GOLGB1: variants seen among roughly 807,000 people sequenced by gnomAD.
GOLGB1 encodes the protein golgin subfamily B member 1.
GOLGB1 carries 174 observed loss-of-function variants against 336.9 expected under a neutral mutation model. The observed-to-expected ratio is 0.52, with a 90% confidence interval of 0.46 to 0.59. The LOEUF is 0.59. Among genes scored for constraint, GOLGB1 ranks in the 20% least tolerant of loss-of-function variants. The pLI is 0.00. For synonymous variants in GOLGB1, 1,208 were observed against 1,289.2 expected (o/e 0.94, Z 1.35); for missense variants, 3,331 against 3,645.3 (o/e 0.91, Z 2.22).
chr3:121,669,489 GTGC>G, intron 17 of GOLGB1, 134 bp from the exon 18 acceptor site: 1 of 615,862 alleles, frequency 1.6e-6, no homozygotes, highest in South Asian at 2.5e-5. Context: ...AGCACTTTGT[GTGC>G]CTTCAAAGTT....
intron 18 of GOLGB1, 30 bp downstream of exon 18, chr3:121,669,182 C>G (rs1401958912): frequency 6.2e-7 from 1 of 1,609,806 alleles, no homozygotes; most frequent in Non-Finnish European, 8.5e-7. Context: ...CATCACACTT[C>G]TCCCAGTCTC....
chr3:121,698,571 C>T lies in GOLGB1; in HGVS notation c.1952G>A (p.Ser651Asn). Residue 651 changes from serine (S) to asparagine (N), a missense_variant, in exon 13 of 22, where the codon AGT (serine) becomes AAT (asparagine). Coordinates refer to ENST00000614479, the MANE Select transcript of GOLGB1 (RefSeq NM_001366282.2). ...TAAAGATATTTCCTCAGATGTTCTA[C>T]TTTGATGTTCAGTGCTCGCCTGTTC... is the stretch of plus-strand genomic sequence containing the variant. ...EKEQASTEHQ[S>N]RTSEEISLND... 1 of 1,613,912 alleles carries T rather than the reference C, an allele frequency of 6.2e-7. No individual in the cohort carries two copies. The highest frequency in any genetic ancestry group is 8.5e-7 in the Non-Finnish European group (1 of 1,179,890).
chr3:121,670,430 T>C (rs1939339084), intron 17 of GOLGB1, among the ~76,000 whole-genome samples: 2 of 152,204 alleles, frequency 1.3e-5, no homozygotes, highest in Non-Finnish European at 1.5e-5. Flanking sequence ...GGGCATTTGA[T>C]GCAAATAGAA....
intron 5 of GOLGB1, among the ~76,000 whole-genome samples, chr3:121,726,049 A>G (rs1039147480): frequency 1.3e-5 from 2 of 151,920 alleles, no homozygotes; most frequent in Non-Finnish European, 2.9e-5. Context: ...GCAGAATGAT[A>G]TGATTATAGG....
At chr3:121,723,292 G>A (rs1345660965) in intron 5 of GOLGB1, among the ~76,000 whole-genome samples, 1 of 152,146 alleles carries the variant, frequency 6.6e-6, no homozygotes, top group Non-Finnish European at 1.5e-5. Flanking sequence ...GTAAGTTACT[G>A]TTGAGGTGCT....
Position 121,697,669 on chromosome 3 carries a change from C to G in GOLGB1, c.2854G>C (p.Glu952Gln). The part of the protein sequence containing the change: ...LLSRAEEAKK[E>Q]QVEEDNEVSS... ...ACTTCATTATCTTCTTCCACCTGCT[C>G]TTTTTTTGCTTCCTCAGCTCTGGAT... Residue 952 changes from glutamate (E) to glutamine (Q), a missense_variant, in exon 13 of 22, where the codon GAG becomes CAG. Glu to Gln is a conservative substitution (Grantham distance 29). Coordinates refer to ENST00000614479, the MANE Select transcript of GOLGB1 (RefSeq NM_001366282.2). 1 of 1,612,498 alleles carries G rather than the reference C, an allele frequency of 6.2e-7. No individual in the cohort carries two copies. The highest frequency in any genetic ancestry group is 8.5e-7 in the Non-Finnish European group (1 of 1,179,686).
intron 10 of GOLGB1, among the ~76,000 whole-genome samples, chr3:121,706,090 A>G (rs940757336): frequency 6.6e-6 from 1 of 151,912 alleles, no homozygotes; most frequent in Admixed American, 6.6e-5. Flanking sequence ...GTGAGCTGAG[A>G]CTGCATCAAT....
chr3:121,706,537 C>A (rs1943840845), intron 10 of GOLGB1, among the ~76,000 whole-genome samples: 1 of 151,622 alleles, frequency 6.6e-6, no homozygotes, highest in Non-Finnish European at 1.5e-5. Flanking sequence ...GAGTTCGAGA[C>A]TAGCCTGGCC....
intron 1 of GOLGB1, among the ~76,000 whole-genome samples, chr3:121,733,525 A>G (rs1946267876): frequency 6.6e-6 from 1 of 152,194 alleles, no homozygotes; most frequent in African/African-American, 2.4e-5. Flanking sequence ...TTTGAACTCT[A>G]TAATGTTAAA....
At chr3:121,722,139 G>A in intron 6 of GOLGB1, 123 bp downstream of exon 6, 2 of 634,864 alleles carry the variant, frequency 3.2e-6, no homozygotes, top group Non-Finnish European at 5.8e-6. Flanking sequence ...AATTTCTAGT[G>A]CAACACCCAT....
At position 121,692,377 on chromosome 3, in the gene GOLGB1, T is replaced by G. The variant is rs903388481; in HGVS notation, c.6987A>C (p.Leu2329Phe). Residue 2329 changes from leucine to phenylalanine, a missense_variant, in exon 14 of 22, where the codon TTA (leucine) becomes TTC (phenylalanine). By Grantham distance (22) the Leu-to-Phe change is conservative. Coordinates refer to ENST00000614479, the MANE Select transcript of GOLGB1 (RefSeq NM_001366282.2). ...LKSLKDQLTD[L>F]SNSLEKCKEQ... ...CCTTACATTTTTCTAAAGAGTTACT[T>G]AAATCAGTCAACTGGTCTTTGAGAC... The G allele has an allele frequency of 5.0e-6, 8 of 1,609,738 alleles. No individual in the cohort carries two copies. The highest frequency in any genetic ancestry group is 1.7e-5 in the Admixed American group (1 of 58,894).
chr3:121,744,601 A>G (rs1238606941), intron 1 of GOLGB1, among the ~76,000 whole-genome samples: 8 of 150,746 alleles, frequency 5.3e-5, no homozygotes, highest in African/African-American at 2.0e-4. Context: ...CCTGGGCAAC[A>G]GAACAAGACC....
intron 10 of GOLGB1, among the ~76,000 whole-genome samples, chr3:121,706,733 CAAAA>C (rs1200925309): frequency 0.02 from 320 of 16,044 alleles, no homozygotes; most frequent in African/African-American, 0.077. Flanking sequence ...GACTCTGTCT[CAAAA>C]AAAAAAAAAA....
intron 17 of GOLGB1, among the ~76,000 whole-genome samples, chr3:121,674,432 C>T (rs549805752): frequency 1.3e-4 from 20 of 152,128 alleles, no homozygotes; most frequent in Non-Finnish European, 2.1e-4. Flanking sequence ...CTTATAATAC[C>T]TAATACAATA....
At chr3:121,713,099 T>C (rs1001720194) in intron 10 of GOLGB1, among the ~76,000 whole-genome samples, 1 of 151,856 alleles carries the variant, frequency 6.6e-6, no homozygotes, top group African/African-American at 2.4e-5. Flanking sequence ...GAGGTCGAGG[T>C]TGCAGTGAGC....
intron 9 of GOLGB1, among the ~76,000 whole-genome samples, chr3:121,715,499 G>A (rs542129772): frequency 2.9e-4 from 44 of 151,518 alleles, no homozygotes; most frequent in Non-Finnish European, 5.6e-4. Flanking sequence ...AATAGCAGGC[G>A]TGGGGAGGCC....
At chr3:121,677,487 A>G (rs1560181735) in intron 15 of GOLGB1, 37 bp from the exon 16 acceptor site, 2 of 1,450,872 alleles carry the variant, frequency 1.4e-6, no homozygotes. Context: ...GTAAAAATAT[A>G]CTTGTAACTG....
chr3:121,741,338 G>C lies in GOLGB1; in HGVS notation c.-3+8294C>G, dbSNP rs553880119. ...TAAAGACTGGAGGAGAGACAGCATA[G>C]TATGTAATGATTATATGCTCTGACA... On this transcript the variant is annotated intron_variant, in intron 1 of 21. Transcript: ENST00000614479. 2.6e-5 allele frequency among the ~76,000 whole-genome samples: 4 copies of C among 152,196 alleles called. No individual in the cohort carries two copies. In the East Asian group the frequency reaches 7.7e-4, roughly 29 times the overall value.
Position 121,696,774 on chromosome 3 carries a change from T to C in GOLGB1, c.3749A>G (p.Asp1250Gly), listed in dbSNP as rs1420283989. Residue 1250 changes from aspartate to glycine, a missense_variant, in exon 13 of 22, where the codon GAC becomes GGC. Physicochemically the swap from Asp to Gly is moderately conservative, Grantham distance 94. Transcript: ENST00000614479. ...CTGGTCTGTGCTTGGGAGTTTTCCG[T>C]CTATGGATTCCCTTACTTGAATCTG... ...QLQIQVRESI[D>G]GKLPSTDQQE... 2.5e-6 allele frequency: 4 copies of C among 1,614,126 alleles called. No individual in the cohort carries two copies. In the Admixed American group the frequency reaches 6.7e-5, roughly 27 times the overall value.
Sources: gnomAD v4.1 joint callset for allele counts (sites outside exome capture counted in the v4.1 genomes callset) on GRCh38, gnomAD v4.1.1 for gene constraint, MANE v1.5 for transcripts, NCBI Gene and HGNC (gene_info 2026-07-23, HGNC 2026-07-21) for gene names.